MBOAT2: variants seen among roughly 807,000 people sequenced by gnomAD.
MBOAT2 encodes membrane-bound glycerophospholipid O-acyltransferase 2.
Under a neutral mutation model 63.4 loss-of-function variants are expected in MBOAT2, and 28 were observed. The observed-to-expected ratio is 0.44, with a 90% CI of 0.33 to 0.61. The LOEUF (loss-of-function observed/expected upper bound fraction) is 0.61, where lower values mean the gene tolerates loss of function less well. Ranked by LOEUF, MBOAT2 falls within the 20% of genes least tolerant of loss-of-function variation. The pLI, the probability that MBOAT2 is intolerant of heterozygous loss-of-function variation, is 0.03. For synonymous variants in MBOAT2, 211 were observed against 215.6 expected, an observed-to-expected ratio of 0.98 and a Z score of 0.19; for missense variants, 470 against 605.8, an observed-to-expected ratio of 0.78 and a Z score of 2.35.
intron 1 of MBOAT2, among the ~76,000 whole-genome samples, chr2:8,989,150 T>C (rs1337641514): frequency 6.6e-6 from 1 of 152,178 alleles, no homozygotes; most frequent in Non-Finnish European, 1.5e-5. Flanking sequence ...AACACTAGCA[T>C]TAGACATCTG....
intron 4 of MBOAT2, among the ~76,000 whole-genome samples, chr2:8,895,360 T>C (rs1664370992): frequency 6.6e-6 from 1 of 152,206 alleles, no homozygotes; most frequent in Admixed American, 6.5e-5. Context: ...TACAGAGTGC[T>C]GATTGGTCCG....
chr2:8,892,014 T>C (rs1024868413), intron 4 of MBOAT2, among the ~76,000 whole-genome samples: 1 of 152,170 alleles, frequency 6.6e-6, no homozygotes, highest in African/African-American at 2.4e-5. Flanking sequence ...AAACAAAGGA[T>C]GAAAAAGTTA....
rs1414368992 is a variant in MBOAT2 at position 8,862,406 on chromosome 2, A to G, written c.1185+184T>C. On this transcript the variant is annotated intron_variant, in intron 11 of 12. Coordinates refer to ENST00000305997, the MANE Select transcript of MBOAT2 (RefSeq NM_138799.4). This position sits in a 1 kb window ranked among gnomAD's most constrained non-coding sequence, Gnocchi z 4.3. Reference sequence around the variant, plus strand: ...TGTTTTCTCCTCACAGGAACTGGGCATGGAGCCTAGCCCGTGGTGAGCGCT... The same window carrying G: ...TGTTTTCTCCTCACAGGAACTGGGCGTGGAGCCTAGCCCGTGGTGAGCGCT... The G allele has an allele frequency of 2.9e-6, 4 of 1,362,602 alleles. No homozygotes were observed. Among genetic ancestry groups the G allele is most frequent in the Middle Eastern group, 1.8e-4 (1 of 5,486 alleles). The allele number at this position is 1,362,602 out of a possible 1,614,324, so 84.4% of individuals were successfully genotyped here. A position where few individuals can be genotyped will look rare whatever the true frequency, so the allele number is the denominator to read the frequency against.
chr2:8,950,749 T>C (rs1001200436), intron 2 of MBOAT2, among the ~76,000 whole-genome samples: 2 of 152,174 alleles, frequency 1.3e-5, no homozygotes, highest in African/African-American at 4.8e-5. Context: ...TTTTTGCCCA[T>C]TCAGTATGAT....
chr2:8,977,581 C>T (rs78524799), intron 1 of MBOAT2, among the ~76,000 whole-genome samples: 7,676 of 152,196 alleles, frequency 0.05, 365 homozygotes, highest in African/African-American at 0.13. Context: ...CTGCAGAGCC[C>T]ACTCCCTAAT....
intron 3 of MBOAT2, among the ~76,000 whole-genome samples, chr2:8,919,382 G>C (rs1321478555): frequency 1.3e-5 from 2 of 152,156 alleles, no homozygotes; most frequent in African/African-American, 4.8e-5. Context: ...CACTAATGCT[G>C]GGTATTGTCA....
At chr2:8,986,286 G>A (rs1355126796) in intron 1 of MBOAT2, among the ~76,000 whole-genome samples, 1 of 151,120 alleles carries the variant, frequency 6.6e-6, no homozygotes, top group African/African-American at 2.4e-5. Flanking sequence ...ATGACTAAAT[G>A]TAATATGGGC....
At chr2:8,867,793 C>T (rs901329363) in intron 9 of MBOAT2, among the ~76,000 whole-genome samples, 3 of 152,244 alleles carry the variant, frequency 2.0e-5, no homozygotes, top group Admixed American at 6.5e-5. Context: ...ATCCTCCTAA[C>T]AGAGCTCTCT....
intron 1 of MBOAT2, among the ~76,000 whole-genome samples, chr2:8,992,521 A>G (rs1671983055): frequency 6.6e-6 from 1 of 152,234 alleles, no homozygotes; most frequent in Non-Finnish European, 1.5e-5. Context: ...TAGTTTCAAA[A>G]AGAAAATTAA....
At chr2:8,921,492 T>C (rs969825236) in intron 3 of MBOAT2, among the ~76,000 whole-genome samples, 2 of 152,210 alleles carry the variant, frequency 1.3e-5, no homozygotes, top group Admixed American at 6.5e-5. Context: ...AAAAGAGACA[T>C]GTATATAGAC....
intron 10 of MBOAT2, among the ~76,000 whole-genome samples, chr2:8,863,306 G>A (rs1271697685): frequency 2.0e-5 from 3 of 152,132 alleles, no homozygotes; most frequent in Non-Finnish European, 4.4e-5. Flanking sequence ...CATCTCAAGG[G>A]ATAAAGATGT....
intron 5 of MBOAT2, among the ~76,000 whole-genome samples, chr2:8,883,389 G>C (rs533041825): frequency 6.6e-6 from 1 of 152,172 alleles, no homozygotes; most frequent in African/African-American, 2.4e-5. Flanking sequence ...AAAAGAGCAA[G>C]ATGCCATTTT....
At chr2:8,877,410 G>C (rs1420653227) in intron 6 of MBOAT2, among the ~76,000 whole-genome samples, 197 bp from the exon 7 acceptor site, 1 of 152,204 alleles carries the variant, frequency 6.6e-6, no homozygotes, top group Non-Finnish European at 1.5e-5. Context: ...TTTCTATACA[G>C]ATCCTTATGA....
At chr2:8,882,629 G>C (rs1663225077) in intron 5 of MBOAT2, 64 bp from the exon 6 acceptor site, 1 of 1,417,544 alleles carries the variant, frequency 7.1e-7, no homozygotes, top group South Asian at 1.2e-5. Context: ...TTTTGCCCAT[G>C]CACACTTTCA....
intron 1 of MBOAT2, among the ~76,000 whole-genome samples, chr2:8,965,214 T>A (rs1669899582): frequency 6.6e-6 from 1 of 152,172 alleles, no homozygotes; most frequent in Non-Finnish European, 1.5e-5. Context: ...AAACCAGGAA[T>A]TCTGAATTTT....
At chr2:8,932,802 T>A (rs1260530204) in intron 3 of MBOAT2, among the ~76,000 whole-genome samples, 2 of 150,620 alleles carry the variant, frequency 1.3e-5, no homozygotes, top group Non-Finnish European at 2.9e-5. Flanking sequence ...AATCACTCCA[T>A]CATTCAAATT....
At chr2:8,879,765 C>T (rs933649545) in intron 6 of MBOAT2, among the ~76,000 whole-genome samples, 1 of 152,150 alleles carries the variant, frequency 6.6e-6, no homozygotes, top group Non-Finnish European at 1.5e-5. Flanking sequence ...ATAATGACCA[C>T]GGTTTGGATG....
chr2:8,929,369 T>C (rs997449532), intron 3 of MBOAT2, among the ~76,000 whole-genome samples: 17 of 149,678 alleles, frequency 1.1e-4, no homozygotes, highest in East Asian at 7.8e-4. Flanking sequence ...TTCATTCATT[T>C]GAGAAAGGGT....
chr2:8,863,684 A>C lies in MBOAT2; in HGVS notation c.1052+486T>G, dbSNP rs535786920. Among the ~76,000 whole-genome samples, 6 of 152,312 alleles carry C rather than the reference A, an allele frequency of 3.9e-5. No homozygotes were observed. In the East Asian group the frequency reaches 1.2e-3, roughly 29 times the overall value. ...TGATTACACCACCGTGTCTTTAATA[A>C]AATTGTGAACTCTTTCACTTTCAGG... On this transcript the variant is annotated intron_variant, in intron 10 of 12. Coordinates refer to ENST00000305997, the MANE Select transcript of MBOAT2 (RefSeq NM_138799.4).
Sources: allele counts gnomAD v4.1 joint callset (sites outside exome capture counted in the v4.1 genomes callset), GRCh38; gene constraint gnomAD v4.1.1; non-coding constraint Gnocchi (gnomAD v3.1); transcripts MANE v1.5; gene names NCBI Gene and HGNC (gene_info 2026-07-23, HGNC 2026-07-21).